The following BRSK2 variants were observed in gnomAD, a reference collection of about 807,000 sequenced individuals.
BRSK2 encodes the protein serine/threonine-protein kinase BRSK2.
BRSK2 carries 19 observed loss-of-function variants against 83.3 expected under a neutral mutation model. The observed-to-expected ratio is 0.23, with a 90% CI of 0.16 to 0.33. The LOEUF is 0.33. BRSK2 is among the 10% of genes least tolerant of loss of function. BRSK2 has a pLI of 1.00. For synonymous variants in BRSK2, 519 were observed against 435.4 expected (o/e 1.19, Z -2.39); for missense variants, 798 against 1,042.3 (o/e 0.77, Z 3.23).
chr11:1,407,514 C>T (rs1426773230), intron 1 of BRSK2, among the ~76,000 whole-genome samples: 1 of 152,062 alleles, frequency 6.6e-6, no homozygotes, highest in Non-Finnish European at 1.5e-5. Flanking sequence ...AAATTGCTGA[C>T]CCCCAGGAGA....
intron 12 of BRSK2, 144 bp downstream of exon 12, chr11:1,446,051 G>T (rs1015471946): frequency 2.7e-6 from 1 of 367,748 alleles, no homozygotes; most frequent in South Asian, 3.1e-5. Flanking sequence ...GGCTTAGCTG[G>T]GCTGGGCTGG....
chr11:1,449,735 C>A (rs200864161), intron 12 of BRSK2, 41 bp from the exon 13 acceptor site: 18 of 1,571,934 alleles, frequency 1.1e-5, no homozygotes, highest in Middle Eastern at 1.7e-4. Flanking sequence ...TGCTCCACTG[C>A]CCCCTGGCTG....
At chr11:1,455,861 C>T (rs1056552711) in intron 16 of BRSK2, among the ~76,000 whole-genome samples, 1 of 152,082 alleles carries the variant, frequency 6.6e-6, no homozygotes, top group Non-Finnish European at 1.5e-5. Flanking sequence ...GAAGCCCACC[C>T]AGCCAGTGCC....
At chr11:1,435,683 CCTT>C (rs1850215363) in intron 1 of BRSK2, among the ~76,000 whole-genome samples, 1 of 151,382 alleles carries the variant, frequency 6.6e-6, no homozygotes, top group Admixed American at 6.6e-5. Context: ...CGGGGGACAG[CCTT>C]CTTGGGCCAG....
At chr11:1,419,376 G>C (rs1848426475) in intron 1 of BRSK2, among the ~76,000 whole-genome samples, 1 of 152,240 alleles carries the variant, frequency 6.6e-6, no homozygotes, top group Non-Finnish European at 1.5e-5. Context: ...TGCCCGGGCA[G>C]CTCCAAATAC....
chr11:1,460,893 C>T lies in BRSK2; in HGVS notation c.*170C>T, dbSNP rs1449871860. On this transcript the variant is annotated 3_prime_UTR_variant, in exon 20 of 20. Coordinates refer to ENST00000528841, the MANE Select transcript of BRSK2 (RefSeq NM_001256627.2). ...GGGCCGGCCTGTGGGCTGCGCCACC[C>T]GCGCCCGCTCTCTTTTCTCTCTGTC... is the stretch of plus-strand genomic sequence containing the variant. The T allele has an allele frequency of 6.9e-5, 111 of 1,603,382 alleles. 1 individual carries two copies. In the South Asian group the frequency reaches 9.9e-4, roughly 14 times the overall value.
rs867517948 is a variant in BRSK2, at chr11:1,460,780, G to A, written c.*57G>A. 67 of 1,357,942 alleles carry A rather than the reference G, an allele frequency of 4.9e-5. No homozygotes were observed. The highest frequency in any genetic ancestry group is 8.5e-5 in the African/African-American group (5 of 58,504). 84.1% of individuals were successfully genotyped at this position (1,357,942 alleles called of 1,614,324 possible). ...GACAGCGGCTGCCTCGCCGCCCGCC[G>A]CCCGCCCTGCCCCGAGTGGACCCGC... On this transcript the variant is annotated 3_prime_UTR_variant, in exon 20 of 20. Transcript: ENST00000528841.
Position 1,425,665 on chromosome 11 carries a change from C to G in BRSK2, c.92-10375C>G, listed in dbSNP as rs183249642. On this transcript the variant is annotated intron_variant, in intron 1 of 19. Coordinates refer to ENST00000528841, the MANE Select transcript of BRSK2 (RefSeq NM_001256627.2). The stretch of plus-strand genomic sequence containing the variant: ...CCGAGGTCAGCAGCCCATCCCGAGC[C>G]CCCCACACCCCCGCTCGTCTCCCAC... 5.9e-5 allele frequency among the ~76,000 whole-genome samples: 9 copies of G among 152,278 alleles called. No individual in the cohort carries two copies. The East Asian group carries it at 1.7e-3, about 29-fold the overall frequency.
intron 1 of BRSK2, among the ~76,000 whole-genome samples, chr11:1,397,510 G>A (rs961781586): frequency 7.2e-5 from 11 of 152,230 alleles, no homozygotes; most frequent in Admixed American, 2.0e-4. Flanking sequence ...TCCCAGGCTC[G>A]TTCTGCCTTC....
intron 13 of BRSK2, among the ~76,000 whole-genome samples, chr11:1,450,089 C>T (rs538260125): frequency 1.6e-4 from 24 of 152,242 alleles, no homozygotes; most frequent in African/African-American, 5.8e-4. Flanking sequence ...CTGCCCATGC[C>T]TGCCTGCCTC....
At chr11:1,443,219 C>T in intron 6 of BRSK2, 80 bp downstream of exon 6, 2 of 1,518,348 alleles carry the variant, frequency 1.3e-6, no homozygotes, top group Non-Finnish European at 1.8e-6. Flanking sequence ...CAGCCTGCCG[C>T]ACCCCCAGGT....
chr11:1,407,040 C>T (rs1156731387), intron 1 of BRSK2, among the ~76,000 whole-genome samples: 1 of 152,122 alleles, frequency 6.6e-6, no homozygotes, highest in African/African-American at 2.4e-5. Context: ...GCGGAGGCTC[C>T]TAGGGTTTCC....
chr11:1,408,422 G>A (rs1396894702), intron 1 of BRSK2, among the ~76,000 whole-genome samples: 2 of 152,206 alleles, frequency 1.3e-5, no homozygotes, highest in African/African-American at 2.4e-5. Context: ...GAGAACTGGG[G>A]AGAAGGCTGT....
At chr11:1,404,597 C>G (rs917216986) in intron 1 of BRSK2, among the ~76,000 whole-genome samples, 7 of 152,184 alleles carry the variant, frequency 4.6e-5, no homozygotes, top group Non-Finnish European at 1.5e-5. Flanking sequence ...GCAGAGGGGG[C>G]GCCCCGGAGG....
chr11:1,449,413 G>A (rs2133176740), intron 12 of BRSK2, among the ~76,000 whole-genome samples: 1 of 152,342 alleles, frequency 6.6e-6, no homozygotes, highest in African/African-American at 2.4e-5. Context: ...GCCAGCACGA[G>A]GCCTGGAGCA....
intron 12 of BRSK2, among the ~76,000 whole-genome samples, chr11:1,446,769 T>C (rs1468063706): frequency 6.6e-6 from 1 of 152,176 alleles, no homozygotes; most frequent in Non-Finnish European, 1.5e-5. Context: ...AGGTGGCAGC[T>C]TCCAACACTT....
At chr11:1,456,575 G>C in intron 17 of BRSK2, 23 bp from the exon 18 acceptor site, 1 of 1,608,202 alleles carries the variant, frequency 6.2e-7, no homozygotes, top group Non-Finnish European at 8.5e-7. Flanking sequence ...CCCGTCCAGG[G>C]CATAACCCCC....
chr11:1,445,177 C>T, intron 9 of BRSK2, 117 bp from the exon 10 acceptor site: 2 of 1,487,382 alleles, frequency 1.3e-6, no homozygotes, highest in South Asian at 1.3e-5. Flanking sequence ...CCTCCCCGGG[C>T]TGGGCACAGG....
In BRSK2 at chr11:1,460,856, A is replaced by C; in HGVS notation, c.*133A>C. The C allele has an allele frequency of 6.4e-7, 1 of 1,558,716 alleles. No individual in the cohort carries two copies. The highest frequency in any genetic ancestry group is 8.7e-7 in the Non-Finnish European group (1 of 1,154,474). On this transcript the variant is annotated 3_prime_UTR_variant, in exon 20 of 20. Transcript: ENST00000528841. The stretch of plus-strand genomic sequence containing the variant: ...TGTTCTCAGAGCCTGGGAGGAAAGG[A>C]AAGGGGCGTTGGGGCCGGCCTGTGG...
Sources: gnomAD v4.1 joint callset for allele counts (sites outside exome capture counted in the v4.1 genomes callset) on GRCh38, gnomAD v4.1.1 for gene constraint, MANE v1.5 for transcripts, NCBI Gene and HGNC (gene_info 2026-07-23, HGNC 2026-07-21) for gene names.